Variants in DCTN1 observed in about 807,000 individuals in gnomAD.
DCTN1 encodes the protein 150 kDa dynein-associated polypeptide.
In DCTN1, 61 loss-of-function variants were observed where a neutral mutation model predicts 161.2. The ratio of observed to expected loss-of-function variants is 0.38; its 90% CI spans 0.31 to 0.47. The LOEUF is 0.47. Ranked by LOEUF, DCTN1 falls within the 20% of genes least tolerant of loss-of-function variation. The pLI is 0.99. For missense variants in DCTN1, 1,404 were observed against 1,623.7 expected, an observed-to-expected ratio of 0.86 and a Z score of 2.33; for synonymous variants, 653 against 632.4, an observed-to-expected ratio of 1.03 and a Z score of -0.49.
upstream of DCTN1, chr2:74,384,951 T>G (rs1190440429): frequency 6.6e-6 from 1 of 152,208 alleles, no homozygotes; most frequent in Non-Finnish European, 1.5e-5. Flanking sequence ...GAGTGGTAAA[T>G]GGAGGCTGGG....
At chr2:74,364,727 GGA>G (rs1674272770) in intron 26 of DCTN1, 1 of 383,798 alleles carries the variant, frequency 2.6e-6, no homozygotes, top group South Asian at 2.2e-5. Context: ...GGATGCCCCA[GGA>G]GAGTCAGCCC....
rs1276332022 is a variant in DCTN1, at chr2:74,362,682, T to C, written c.3577A>G (p.Lys1193Glu). The change falls in exon 30 of 32, where the codon AAG becomes GAG. Residue 1193 changes from lysine to glutamate, a missense_variant. Lys to Glu is a moderately conservative substitution (Grantham distance 56, BLOSUM62 1). This residue lies in a region of DCTN1 where 311 missense variants were observed against 298.9 expected (regional missense o/e 1.04). Coordinates refer to ENST00000628224, the MANE Select transcript of DCTN1 (RefSeq NM_004082.5). The stretch of plus-strand genomic sequence containing the variant: ...TTCTCGACGGTGTCACTCAGGGACT[T>C]AAGCTGAGCCACTTGCTCCATAAGT... ...AQLMEQVAQL[K>E]SLSDTVEKLK... 1 of 1,614,040 alleles carries C rather than the reference T, an allele frequency of 6.2e-7. No homozygotes were observed. The highest frequency in any genetic ancestry group is 2.2e-5 in the East Asian group (1 of 44,878).
At chr2:74,388,833 T>C (rs1675861718) in intron 1 of DCTN1, among the ~76,000 whole-genome samples, 1 of 152,146 alleles carries the variant, frequency 6.6e-6, no homozygotes, top group African/African-American at 2.4e-5. Context: ...CTCTGACAGC[T>C]TTCCCTGAGA....
rs34244467 is a variant in DCTN1 at position 74,369,716 on chromosome 2, G to A, written c.1393-225C>T. Among the ~76,000 whole-genome samples the A allele has an allele frequency of 6.6e-6, 1 of 152,030 alleles. No individual in the cohort carries two copies. Among genetic ancestry groups the A allele is most frequent in the African/African-American group, 2.4e-5 (1 of 41,368 alleles). Reference sequence around the variant, plus strand: ...TAGTACCAGCTACTCGGGAGGCTGAGGCAGGAGAATCGCTTGAACCTGGGA... The same window carrying A: ...TAGTACCAGCTACTCGGGAGGCTGAAGCAGGAGAATCGCTTGAACCTGGGA... On this transcript the variant is annotated intron_variant, in intron 13 of 31. Coordinates refer to ENST00000628224, the MANE Select transcript of DCTN1 (RefSeq NM_004082.5). The surrounding 1 kb of genome is among the most constrained non-coding windows in gnomAD (Gnocchi z 4.9).
chr2:74,376,202 T>G (rs1305975964), intron 5 of DCTN1, among the ~76,000 whole-genome samples: 3 of 152,122 alleles, frequency 2.0e-5, no homozygotes, highest in African/African-American at 7.2e-5. Context: ...AGGGACAGAC[T>G]GATGGGGCAG....
At chr2:74,391,866 C>T (rs28372820) in exon 1 of DCTN1, 1 of 451,212 alleles carries the variant, frequency 2.2e-6, no homozygotes, top group Non-Finnish European at 4.4e-6. Flanking sequence ...GCGGGGCCGG[C>T]CCCGCCCTCC....
chr2:74,383,979 C>T (rs1036468973), upstream of DCTN1, among the ~76,000 whole-genome samples: 2 of 152,092 alleles, frequency 1.3e-5, no homozygotes, highest in African/African-American at 4.8e-5. Context: ...AACTCAAATG[C>T]TGCAAGGATA....
rs1351936411 is a variant in DCTN1, at chr2:74,380,032, T to A, written c.6A>T (p.Ala2=). 1 of 1,614,010 alleles carries A rather than the reference T, an allele frequency of 6.2e-7. No individual in the cohort carries two copies. Among genetic ancestry groups the A allele is most frequent in the Non-Finnish European group, 8.5e-7 (1 of 1,180,004 alleles). Residue 2 remains alanine, a synonymous_variant, in exon 1 of 32, where the codon GCA becomes GCT. Coordinates refer to ENST00000628224, the MANE Select transcript of DCTN1 (RefSeq NM_004082.5). The part of the protein sequence containing the change: M[A]QSKRHVYSRT... ...GGCTGTACACGTGCCTCTTGCTCTGTGCCATGTTGCTCACCCGGCCTCTAC... is the reference window on the plus strand; with the variant it reads ...GGCTGTACACGTGCCTCTTGCTCTGAGCCATGTTGCTCACCCGGCCTCTAC...
rs754912845 is a variant in DCTN1 at position 74,370,024 on chromosome 2, C to G, written c.1333G>C (p.Asp445His). ...GAEEMVEMLTDRNLNLEEKVR... is the reference protein window; with the variant it reads ...GAEEMVEMLTHRNLNLEEKVR... ...TTCTCTTCCAGATTCAGGTTCCGAT[C>G]TGTCAGCATCTCCACCATCTCCTCA... The change falls in exon 13 of 32, where the codon GAT becomes CAT. Residue 445 changes from aspartate (D) to histidine (H), a missense_variant. Around this residue, in one of 9 missense-constraint regions of DCTN1, gnomAD observed 278 missense variants for 363.8 expected, o/e 0.76. Coordinates refer to ENST00000628224, the MANE Select transcript of DCTN1 (RefSeq NM_004082.5). This position sits in a 1 kb window ranked among gnomAD's most constrained non-coding sequence, Gnocchi z 4.4. The G allele has an allele frequency of 1.3e-5, 21 of 1,614,106 alleles. No individual in the cohort carries two copies. In the Admixed American group the frequency reaches 3.5e-4, roughly 27 times the overall value.
At chr2:74,382,890 G>A (rs1002687614), upstream of DCTN1, among the ~76,000 whole-genome samples, 2 of 151,502 alleles carry the variant, frequency 1.3e-5, no homozygotes, top group Admixed American at 1.3e-4. Context: ...GGCTAACAAG[G>A]TGAAACCCTG....
At chr2:74,366,198 T>G in intron 23 of DCTN1, 46 bp downstream of exon 23, 1 of 1,613,576 alleles carries the variant, frequency 6.2e-7, no homozygotes. Flanking sequence ...CTGCAAGTCT[T>G]ACTCCTACAG....
At position 74,376,389 on chromosome 2, in the gene DCTN1, C is replaced by T. The variant is rs149926969; in HGVS notation, c.414+353G>A. Among the ~76,000 whole-genome samples the T allele has an allele frequency of 3.2e-3, 490 of 152,326 alleles. 2 individuals are homozygous for T. Among genetic ancestry groups the T allele is most frequent in the Middle Eastern group, 0.02 (6 of 294 alleles). Reference sequence around the variant, plus strand: ...AGCCCCATTCCCCCAGTCTATCCTTCCACAGTCGTCCAAGCTCGGGCTAAG... The same window carrying T: ...AGCCCCATTCCCCCAGTCTATCCTTTCACAGTCGTCCAAGCTCGGGCTAAG... On this transcript the variant is annotated intron_variant, in intron 5 of 31. Coordinates refer to ENST00000628224, the MANE Select transcript of DCTN1 (RefSeq NM_004082.5).
chr2:74,381,569 C>T (rs527731939), upstream of DCTN1, among the ~76,000 whole-genome samples: 1 of 152,290 alleles, frequency 6.6e-6, no homozygotes, highest in East Asian at 1.9e-4. Flanking sequence ...TGGGCAGGGC[C>T]AGGCACATCC....
intron 6 of DCTN1, 125 bp downstream of exon 6, chr2:74,374,198 C>T (rs776834883): frequency 6.0e-6 from 6 of 1,002,722 alleles, no homozygotes; most frequent in Non-Finnish European, 9.3e-6. Context: ...AACCCACCTT[C>T]GTCCTCACCC....
At chr2:74,368,610 C>CT in intron 16 of DCTN1, 118 bp downstream of exon 16, 1 of 1,406,406 alleles carries the variant, frequency 7.1e-7, no homozygotes, top group Non-Finnish European at 9.9e-7. Context: ...TGTGTTCCTC[C>CT]ACTATACCAT....
intron 16 of DCTN1, chr2:74,368,438 C>T (rs1183191770): frequency 3.3e-6 from 2 of 611,534 alleles, no homozygotes; most frequent in African/African-American, 3.7e-5. Context: ...TGCCCATCAT[C>T]CCCAAGGTTA....
upstream of DCTN1, among the ~76,000 whole-genome samples, chr2:74,384,390 C>T (rs1182713335): frequency 6.6e-6 from 1 of 152,158 alleles, no homozygotes. Flanking sequence ...AGGCCCATAT[C>T]CCATAGGACA....
At chr2:74,366,665 C>G in intron 21 of DCTN1, 45 bp from the exon 22 acceptor site, 1 of 1,613,572 alleles carries the variant, frequency 6.2e-7, no homozygotes, top group South Asian at 1.1e-5. Flanking sequence ...GGTTCAGCAC[C>G]ACAGTTTCCA....
intron 5 of DCTN1, among the ~76,000 whole-genome samples, chr2:74,376,348 A>G (rs1675223189): frequency 4.6e-5 from 7 of 152,100 alleles, no homozygotes; most frequent in Admixed American, 4.6e-4. Flanking sequence ...AAACCCCCTC[A>G]CTTGGTACCT....
Sources: gnomAD v4.1 joint callset for allele counts (sites outside exome capture counted in the v4.1 genomes callset) on GRCh38, gnomAD v4.1.1 for gene constraint, gnomAD v4.1.1 regional missense constraint, Gnocchi (gnomAD v3.1) non-coding constraint, MANE v1.5 for transcripts, NCBI Gene and HGNC (gene_info 2026-07-23, HGNC 2026-07-21) for gene names.